Variants in ABCC6 observed in about 807,000 individuals in gnomAD.
ABCC6 encodes the protein ATP binding cassette subfamily C member 6.
In ABCC6, 126 loss-of-function variants were observed where a neutral mutation model predicts 169.5. That is an observed-to-expected ratio of 0.74 (90% confidence interval 0.64 to 0.86). The LOEUF is 0.86. ABCC6 is among the 40% of genes least tolerant of loss of function. The pLI, the probability that ABCC6 is intolerant of heterozygous loss-of-function variation, is 0.00. For synonymous variants in ABCC6, 752 were observed against 814.7 expected (o/e 0.92, Z 1.31); for missense variants, 1,733 against 1,927.2 (o/e 0.90, Z 1.89).
chr16:16,160,300 C>T lies in ABCC6; in HGVS notation c.3634-717G>A, dbSNP rs150234443. On this transcript the variant is annotated intron_variant, in intron 25 of 30. Coordinates refer to ENST00000205557, the MANE Select transcript of ABCC6 (RefSeq NM_001171.6). Reference sequence around the variant, plus strand: ...CTTGACTGTAAAATGAGGATAATAACAGTGCTTCTCTGATGGGGTTGTGGG... The same window carrying T: ...CTTGACTGTAAAATGAGGATAATAATAGTGCTTCTCTGATGGGGTTGTGGG... 8.2e-3 allele frequency among the ~76,000 whole-genome samples: 1,255 copies of T among 152,266 alleles called. 16 individuals are homozygous for T. The highest frequency in any genetic ancestry group is 0.028 in the African/African-American group (1,181 of 41,532).
rs63751086 is a variant in ABCC6 at position 16,154,973 on chromosome 16, C to T, written c.3941G>A (p.Arg1314Gln). The part of the protein sequence containing the change: ...GKSSLASGLL[R>Q]LQEAAEGGIW... ...CCCACCCTCAGCTGCCTCCTGGAGCCGCAGCAGCCCACTGGCCAGGGAGGA... is the reference window on the plus strand; with the variant it reads ...CCCACCCTCAGCTGCCTCCTGGAGCTGCAGCAGCCCACTGGCCAGGGAGGA... Residue 1314 changes from arginine (R) to glutamine (Q), a missense_variant, in exon 28 of 31, where the codon CGG becomes CAG. Physicochemically the swap from Arg to Gln is conservative, Grantham distance 43. Transcript: ENST00000205557. The T allele has an allele frequency of 5.7e-5, 90 of 1,577,280 alleles. No individual in the cohort carries two copies. Among genetic ancestry groups the T allele is most frequent in the Admixed American group, 3.1e-4 (17 of 54,672 alleles).
intron 5 of ABCC6, among the ~76,000 whole-genome samples, chr16:16,213,824 G>T (rs1234989914): frequency 6.8e-6 from 1 of 147,886 alleles, no homozygotes; most frequent in Non-Finnish European, 1.5e-5. Context: ...GCCTCCCAAA[G>T]TGTTGGGATT....
intron 10 of ABCC6, among the ~76,000 whole-genome samples, chr16:16,194,035 T>A (rs2047953855): frequency 2.0e-5 from 3 of 152,172 alleles, no homozygotes. Flanking sequence ...CAAGACAGAT[T>A]GTGCACACAC....
chr16:16,191,663 TC>T (rs1010112861), intron 11 of ABCC6, among the ~76,000 whole-genome samples: 3 of 134,962 alleles, frequency 2.2e-5, no homozygotes, highest in East Asian at 4.6e-4. Context: ...CTTCCCTCCC[TC>T]CCCCCTTTCT....
chr16:16,217,830 C>T (rs2048934575), intron 4 of ABCC6, among the ~76,000 whole-genome samples: 1 of 152,210 alleles, frequency 6.6e-6, no homozygotes, highest in African/African-American at 2.4e-5. Flanking sequence ...TGGCTCACGC[C>T]TGTAATCCCA....
At chr16:16,215,837 C>T (rs2152297207) in intron 4 of ABCC6, among the ~76,000 whole-genome samples, 1 of 152,282 alleles carries the variant, frequency 6.6e-6, no homozygotes, top group Non-Finnish European at 1.5e-5. Flanking sequence ...ATAATAATCA[C>T]ATCAAGGTAA....
chr16:16,155,957 C>G (rs2046538818), intron 27 of ABCC6, among the ~76,000 whole-genome samples: 1 of 151,590 alleles, frequency 6.6e-6, no homozygotes, highest in Non-Finnish European at 1.5e-5. Flanking sequence ...GCTCTATTGC[C>G]CAGGCTGGAG....
intron 10 of ABCC6, among the ~76,000 whole-genome samples, chr16:16,194,871 G>A (rs866194982): frequency 6.6e-6 from 1 of 151,828 alleles, no homozygotes; most frequent in Non-Finnish European, 1.5e-5. Flanking sequence ...GTAGAGATGG[G>A]GTTTCACCAC....
At chr16:16,158,174 C>T (rs937919787) in intron 26 of ABCC6, among the ~76,000 whole-genome samples, 2 of 152,250 alleles carry the variant, frequency 1.3e-5, no homozygotes, top group Non-Finnish European at 2.9e-5. Context: ...ATTCTACCCC[C>T]TTGAGTCTTG....
chr16:16,173,855 A>C (rs766866349), intron 20 of ABCC6, among the ~76,000 whole-genome samples: 69 of 152,060 alleles, frequency 4.5e-4, no homozygotes, highest in Admixed American at 3.9e-4. Context: ...ATTTTGGCTT[A>C]AGCTTTCGTG....
chr16:16,210,568 T>A (rs564634032), intron 6 of ABCC6, among the ~76,000 whole-genome samples: 12 of 152,350 alleles, frequency 7.9e-5, no homozygotes, highest in Non-Finnish European at 1.6e-4. Flanking sequence ...TGCTATAGAT[T>A]TTTCCTATTT....
intron 26 of ABCC6, among the ~76,000 whole-genome samples, chr16:16,158,339 A>T (rs760014446): frequency 6.6e-6 from 1 of 152,082 alleles, no homozygotes; most frequent in Non-Finnish European, 1.5e-5. Context: ...CATTAGTGCT[A>T]TGCTGCTGTT....
At chr16:16,190,753 C>T (rs1262356694) in intron 11 of ABCC6, among the ~76,000 whole-genome samples, 1 of 150,824 alleles carries the variant, frequency 6.6e-6, no homozygotes, top group African/African-American at 2.4e-5. Flanking sequence ...AGGTTGGCCT[C>T]GAGCTCCTGG....
Position 16,169,751 on chromosome 16 carries a change from G to C in ABCC6, c.2890C>G (p.Arg964Gly), listed in dbSNP as rs558710437. ...GCCCACAGGCTCAGCCAGTAGCCCC[G>C]GCAGAAGGAGGCCACTTGCTGGCAG... ...FLCQQVASFCRGYWLSLWADD... is the reference protein window; with the variant it reads ...FLCQQVASFCGGYWLSLWADD... Residue 964 changes from arginine to glycine, a missense_variant, in exon 22 of 31, where the codon CGG becomes GGG. By Grantham distance (125) the Arg-to-Gly change is moderately radical (BLOSUM62 -2). Coordinates refer to ENST00000205557, the MANE Select transcript of ABCC6 (RefSeq NM_001171.6). 6.2e-7 allele frequency: 1 copy of C among 1,603,636 alleles called. No homozygotes were observed. The highest frequency in any genetic ancestry group is 8.5e-7 in the Non-Finnish European group (1 of 1,175,628).
intron 9 of ABCC6, among the ~76,000 whole-genome samples, chr16:16,199,980 A>G (rs2048183504): frequency 6.6e-6 from 1 of 151,874 alleles, no homozygotes; most frequent in African/African-American, 2.4e-5. Flanking sequence ...AGGCAGGACA[A>G]TTGCTTGAAC....
At chr16:16,193,606 C>T (rs536891894) in intron 10 of ABCC6, among the ~76,000 whole-genome samples, 11 of 152,180 alleles carry the variant, frequency 7.2e-5, no homozygotes, top group African/African-American at 1.9e-4. Context: ...CCCAGCTACT[C>T]GAGAGGCTGA....
chr16:16,153,794 C>T (rs1483960234), intron 29 of ABCC6, among the ~76,000 whole-genome samples: 3 of 151,380 alleles, frequency 2.0e-5, no homozygotes, highest in Non-Finnish European at 2.9e-5. Flanking sequence ...ACCCCAGCTA[C>T]TCGGGAGGCT....
At chr16:16,193,604 C>T (rs2047937854) in intron 10 of ABCC6, among the ~76,000 whole-genome samples, 1 of 152,128 alleles carries the variant, frequency 6.6e-6, no homozygotes, top group Admixed American at 6.6e-5. Context: ...ATCCCAGCTA[C>T]TCGAGAGGCT....
At position 16,169,723 on chromosome 16, in the gene ABCC6, T is replaced by C; in HGVS notation, c.2918A>G (p.Asp973Gly). ...CTGCTGCCCACCTACTGCAGGGTCG[T>C]CCGCCCACAGGCTCAGCCAGTAGCC... ...CRGYWLSLWA[D>G]DPAVGGQQTQ... Residue 973 changes from aspartate (D) to glycine (G), a missense_variant, in exon 22 of 31, where the codon GAC becomes GGC. Asp to Gly is a moderately conservative substitution (Grantham distance 94). This residue lies in a region of ABCC6 where 1,601 missense variants were observed against 1,635.5 expected (regional missense o/e 0.98). Coordinates refer to ENST00000205557, the MANE Select transcript of ABCC6 (RefSeq NM_001171.6). The C allele has an allele frequency of 1.2e-6, 2 of 1,610,228 alleles. No individual in the cohort carries two copies. Among genetic ancestry groups the C allele is most frequent in the South Asian group, 1.1e-5 (1 of 90,576 alleles).
Sources: gnomAD v4.1 joint callset for allele counts (sites outside exome capture counted in the v4.1 genomes callset) on GRCh38, gnomAD v4.1.1 for gene constraint, gnomAD v4.1.1 regional missense constraint, MANE v1.5 for transcripts, NCBI Gene and HGNC (gene_info 2026-07-23, HGNC 2026-07-21) for gene names.